SLC8A1: variants seen among roughly 807,000 people sequenced by gnomAD.
SLC8A1 encodes solute carrier family 8 member A1, also known as sodium/calcium exchanger 1.
In SLC8A1, 18 loss-of-function variants were observed where a neutral mutation model predicts 68.3. That is an observed-to-expected ratio of 0.26 (90% CI 0.18 to 0.39). The LOEUF (loss-of-function observed/expected upper bound fraction) is 0.39. Among genes scored for constraint, SLC8A1 ranks in the 10% least tolerant of loss-of-function variants. The pLI, the probability that SLC8A1 is intolerant of heterozygous loss-of-function variation, is 1.00. For synonymous variants in SLC8A1, 475 were observed against 415.5 expected, an observed-to-expected ratio of 1.14 and a Z score of -1.74; for missense variants, 985 against 1,156.7, an observed-to-expected ratio of 0.85 and a Z score of 2.15.
rs140387912 is a variant in SLC8A1 at position 40,377,375 on chromosome 2, T to C, written c.1808+51098A>G. Reference sequence around the variant, plus strand: ...CCTTGAGTGCAGGCTTGTGAGACCCTGAGCAGGGAGCCCAGTTAAACACTG... The same window carrying C: ...CCTTGAGTGCAGGCTTGTGAGACCCCGAGCAGGGAGCCCAGTTAAACACTG... On this transcript the variant is annotated intron_variant, in intron 2 of 7. Coordinates refer to ENST00000406785, the Ensembl canonical transcript of SLC8A1. 2.2e-4 allele frequency among the ~76,000 whole-genome samples: 34 copies of C among 152,192 alleles called. 2 individuals are homozygous for C. In the East Asian group the frequency reaches 5.1e-3, roughly 23 times the overall value.
At chr2:40,475,309 A>G (rs1313266715) in intron 1 of SLC8A1, among the ~76,000 whole-genome samples, 1 of 151,678 alleles carries the variant, frequency 6.6e-6, no homozygotes, top group Non-Finnish European at 1.5e-5. Flanking sequence ...AATTTTTTGC[A>G]TTTTTAGTAG....
At chr2:40,218,576 A>T (rs1159611087) in intron 2 of SLC8A1, among the ~76,000 whole-genome samples, 1 of 152,158 alleles carries the variant, frequency 6.6e-6, no homozygotes, top group East Asian at 1.9e-4. Flanking sequence ...GCACCAACCT[A>T]ATATTATCGT....
chr2:40,121,394 A>C (rs967964625), intron 7 of SLC8A1, among the ~76,000 whole-genome samples: 4 of 152,180 alleles, frequency 2.6e-5, no homozygotes, highest in African/African-American at 4.8e-5. Flanking sequence ...AAGAAGTAAG[A>C]AGCTGGTTTC....
chr2:40,235,865 G>C (rs998808151), intron 2 of SLC8A1, among the ~76,000 whole-genome samples: 1 of 151,480 alleles, frequency 6.6e-6, no homozygotes, highest in South Asian at 2.1e-4. Flanking sequence ...GTACCCAGTA[G>C]TCATTCAGGA....
chr2:40,177,838 C>T (rs1267835409), exon 3 of SLC8A1: 1 of 1,550,490 alleles, frequency 6.4e-7, no homozygotes, highest in East Asian at 2.4e-5. Flanking sequence ...GTCAAATATT[C>T]TAATGGTAAT....
At chr2:40,227,377 A>T (rs1358309700) in intron 2 of SLC8A1, among the ~76,000 whole-genome samples, 2 of 151,796 alleles carry the variant, frequency 1.3e-5, no homozygotes, top group Non-Finnish European at 2.9e-5. Context: ...CTTTCTTTAT[A>T]CCCTAGTCAT....
upstream of SLC8A1, chr2:40,453,486 G>A (rs1326450147): frequency 6.6e-6 from 1 of 152,204 alleles, no homozygotes; most frequent in African/African-American, 2.4e-5. Context: ...CAAAGAGGGG[G>A]CGGAATGGAA....
At chr2:40,209,690 A>G (rs990800463) in intron 2 of SLC8A1, among the ~76,000 whole-genome samples, 1 of 152,146 alleles carries the variant, frequency 6.6e-6, no homozygotes, top group Non-Finnish European at 1.5e-5. Flanking sequence ...AAGACAGAGT[A>G]TAGAGTGATA....
intron 2 of SLC8A1, among the ~76,000 whole-genome samples, chr2:40,242,194 C>G (rs1416097857): frequency 1.3e-5 from 2 of 151,858 alleles, no homozygotes; most frequent in Non-Finnish European, 2.9e-5. Context: ...ATGAATATGA[C>G]AATACTTTGG....
At chr2:40,448,730 T>C (rs1046492262) in intron 1 of SLC8A1, among the ~76,000 whole-genome samples, 1 of 152,064 alleles carries the variant, frequency 6.6e-6, no homozygotes, top group Admixed American at 6.6e-5. Context: ...GGGGTTATGA[T>C]GAGGGGTGTA....
At chr2:40,176,722 T>G (rs760729775) in intron 3 of SLC8A1, among the ~76,000 whole-genome samples, 27 of 152,220 alleles carry the variant, frequency 1.8e-4, no homozygotes, top group Non-Finnish European at 3.5e-4. Flanking sequence ...ATATTTTATT[T>G]TTCCCTCTAC....
chr2:40,130,110 C>A (rs1376815103), intron 7 of SLC8A1, among the ~76,000 whole-genome samples: 2 of 152,166 alleles, frequency 1.3e-5, no homozygotes, highest in Non-Finnish European at 2.9e-5. Context: ...ACAAAAAACC[C>A]TTAAAAGTAT....
intron 2 of SLC8A1, among the ~76,000 whole-genome samples, chr2:40,295,602 C>A (rs1372175660): frequency 1.3e-5 from 2 of 151,908 alleles, no homozygotes; most frequent in Admixed American, 6.6e-5. Flanking sequence ...GTGCCAGATG[C>A]TAAAAGGGAG....
chr2:40,434,394 A>C (rs986104000), intron 1 of SLC8A1, among the ~76,000 whole-genome samples: 2 of 152,178 alleles, frequency 1.3e-5, no homozygotes, highest in African/African-American at 4.8e-5. Flanking sequence ...GAAGATGTGG[A>C]ATAGATGTTA....
At chr2:40,375,006 C>T (rs1173358085) in intron 2 of SLC8A1, among the ~76,000 whole-genome samples, 1 of 152,050 alleles carries the variant, frequency 6.6e-6, no homozygotes, top group Non-Finnish European at 1.5e-5. Context: ...AATAAATCTT[C>T]CATGGAGAGC....
intron 2 of SLC8A1, among the ~76,000 whole-genome samples, chr2:40,423,156 C>A (rs1695967073): frequency 6.6e-6 from 1 of 152,000 alleles, no homozygotes; most frequent in South Asian, 2.1e-4. Context: ...TTTACTTAGC[C>A]TTTCATTAAT....
At chr2:40,369,835 G>A (rs1180182438) in intron 2 of SLC8A1, among the ~76,000 whole-genome samples, 3 of 151,454 alleles carry the variant, frequency 2.0e-5, no homozygotes, top group Non-Finnish European at 2.9e-5. Flanking sequence ...CCATGAAAAA[G>A]AATTTCCTAT....
chr2:40,277,809 TATA>T (rs2066950436), intron 2 of SLC8A1, among the ~76,000 whole-genome samples: 1 of 102,000 alleles, frequency 9.8e-6, no homozygotes, highest in Non-Finnish European at 2.2e-5. Flanking sequence ...TATATATATA[TATA>T]TATATATATA....
Position 40,217,055 on chromosome 2 carries a change from C to T in SLC8A1, c.1809-39200G>A, listed in dbSNP as rs542662187. Among the ~76,000 whole-genome samples the T allele has an allele frequency of 9.2e-5, 14 of 152,140 alleles. No individual in the cohort carries two copies. The East Asian group carries it at 1.7e-3, about 19-fold the overall frequency. The stretch of plus-strand genomic sequence containing the variant: ...TTGTTGCCATTGCTTTTGGTGTTTT[C>T]GTCATGAAGTCTTTGCCCATGCCTA... On this transcript the variant is annotated intron_variant, in intron 2 of 7. Transcript: ENST00000406785.
Sources: gnomAD v4.1 joint callset for allele counts (sites outside exome capture counted in the v4.1 genomes callset) on GRCh38, gnomAD v4.1.1 for gene constraint, MANE v1.5 for transcripts, NCBI Gene and HGNC (gene_info 2026-07-23, HGNC 2026-07-21) for gene names.